GRM6: variants seen among roughly 807,000 people sequenced by gnomAD.
GRM6 encodes the protein metabotropic glutamate receptor 6.
GRM6 carries 73 observed loss-of-function variants against 78.4 expected under a neutral mutation model. The observed-to-expected ratio is 0.93, with a 90% CI of 0.77 to 1.13. GRM6 has a LOEUF of 1.13. GRM6 is among the 50% of genes most tolerant of loss of function. The pLI is 0.00. For missense variants in GRM6, 1,251 were observed against 1,256.4 expected, an observed-to-expected ratio of 1.00 and a Z score of 0.07; for synonymous variants, 580 against 555.0, an observed-to-expected ratio of 1.05 and a Z score of -0.63.
In GRM6 at chr5:178,983,236, A is replaced by G; in HGVS notation, c.2125-15T>C. 3 of 1,600,632 alleles carry G rather than the reference A, an allele frequency of 1.9e-6. No individual in the cohort carries two copies. Among genetic ancestry groups the G allele is most frequent in the Non-Finnish European group, 2.6e-6 (3 of 1,170,278 alleles). On this transcript the variant is annotated splice_polypyrimidine_tract_variant and intron_variant, in intron 9 of 10. Coordinates refer to ENST00000517717, the MANE Select transcript of GRM6 (RefSeq NM_000843.4). ...ATCCCCACCACCTGCAGGAGCCAAC[A>G]CTGCATCAGACACAGCACTTTCCAG...
Position 178,986,170 on chromosome 5 carries a change from G to A in GRM6, c.2084C>T (p.Thr695Ile). 4 of 1,613,966 alleles carry A rather than the reference G, an allele frequency of 2.5e-6. No homozygotes were observed. The highest frequency in any genetic ancestry group is 3.4e-6 in the Non-Finnish European group (4 of 1,179,854). ...GCTGAAGGTGATGACCAGCTGTGAG[G>A]TGGGGCTGATGAAGGGAGGGGGTGT... ...SVTPPPFISP[T>I]SQLVITFSLT... Residue 695 changes from threonine (T) to isoleucine (I), a missense_variant, in exon 9 of 11, where the codon ACC (threonine) becomes ATC (isoleucine). By Grantham distance (89) the Thr-to-Ile change is moderately conservative. Transcript: ENST00000517717.
chr5:178,985,520 G>A (rs557252275), intron 9 of GRM6: 402 of 337,260 alleles, frequency 1.2e-3, no homozygotes, highest in East Asian at 4.6e-3. Flanking sequence ...TGGCTAACAC[G>A]GTGAAGCCCT....
intron 9 of GRM6, chr5:178,985,182 G>T (rs1026311801): frequency 2.3e-6 from 1 of 437,828 alleles, no homozygotes; most frequent in Admixed American, 2.5e-5. Context: ...GTGGAAACAG[G>T]AAAACCGGTC....
Position 178,985,824 on chromosome 5 carries a change from C to T in GRM6, c.2124+306G>A, listed in dbSNP as rs115863581. 1.8e-3 allele frequency: 946 copies of T among 525,576 alleles called. 4 individuals are homozygous for T. The highest frequency in any genetic ancestry group is 2.9e-3 in the Admixed American group (103 of 35,164). The allele number at this position is 525,576 out of a possible 1,614,324, so 32.6% of individuals were successfully genotyped here. A position where few individuals can be genotyped will look rare whatever the true frequency, so the allele number is the denominator to read the frequency against. On this transcript the variant is annotated intron_variant, in intron 9 of 10. Coordinates refer to ENST00000517717, the MANE Select transcript of GRM6 (RefSeq NM_000843.4). ...ACACCCAAGCTGGATTGTAGTGGTG[C>T]GATCTTGGCTCACAGCAACCTTCAA...
chr5:178,994,315 C>T, intron 2 of GRM6, 126 bp downstream of exon 2: 1 of 801,494 alleles, frequency 1.2e-6, no homozygotes, highest in Non-Finnish European at 1.8e-6. Context: ...TTCTTTGACG[C>T]TGTGTGAATT....
intron 10 of GRM6, 197 bp downstream of exon 10, chr5:178,982,713 G>T: frequency 4.3e-6 from 2 of 466,476 alleles, no homozygotes; most frequent in Non-Finnish European, 7.6e-6. Flanking sequence ...AAGAAAAAAA[G>T]AAGAGTGGAA....
chr5:178,981,530 G>T lies in GRM6; in HGVS notation c.*127C>A. The T allele has an allele frequency of 1.4e-6, 1 of 711,284 alleles. No individual in the cohort carries two copies. The highest frequency in any genetic ancestry group is 2.4e-6 in the Non-Finnish European group (1 of 417,160). 44.1% of individuals were successfully genotyped at this position (711,284 alleles called of 1,614,324 possible). A position where few individuals can be genotyped will look rare whatever the true frequency, so the allele number is the denominator to read the frequency against. The stretch of plus-strand genomic sequence containing the variant: ...TTCTCAAGGCCAGCCCCACCGACGC[G>T]GAGCATGGTCTTGGCAAACTCCCTG... On this transcript the variant is annotated 3_prime_UTR_variant, in exon 11 of 11. Coordinates refer to ENST00000517717, the MANE Select transcript of GRM6 (RefSeq NM_000843.4). This position sits in a 1 kb window ranked among gnomAD's most constrained non-coding sequence, Gnocchi z 5.1.
At chr5:178,990,054 C>T in intron 5 of GRM6, 2 of 197,794 alleles carry the variant, frequency 1.0e-5, no homozygotes, top group Non-Finnish European at 2.1e-5. Flanking sequence ...CTAAGAGGCC[C>T]TAGCAGCCAG....
In GRM6 at chr5:178,988,199, A is replaced by G. The variant is rs1402011854; in HGVS notation, c.1354+736T>C. ...AGAGGATGAGTTCAGACACGGAGAG[A>G]GGTCTGAGTGACAGTATGAAATTGG... On this transcript the variant is annotated intron_variant, in intron 7 of 10. Transcript: ENST00000517717. This position sits in a 1 kb window ranked among gnomAD's most constrained non-coding sequence, Gnocchi z 6.0. Among the ~76,000 whole-genome samples the G allele has an allele frequency of 6.6e-6, 1 of 152,188 alleles. No individual in the cohort carries two copies. The highest frequency in any genetic ancestry group is 2.4e-5 in the African/African-American group (1 of 41,440).
intron 9 of GRM6, chr5:178,985,562 G>C (rs889150275): frequency 1.1e-4 from 36 of 338,958 alleles, no homozygotes; most frequent in Admixed American, 6.0e-4. Flanking sequence ...AATTAGCCGG[G>C]CGTGGTGGCG....
In GRM6 at chr5:178,988,999, G is replaced by T. The variant is rs1232786802; in HGVS notation, c.1290C>A (p.Cys430Ter). 2.5e-6 allele frequency: 4 copies of T among 1,613,794 alleles called. No homozygotes were observed. The highest frequency in any genetic ancestry group is 3.4e-6 in the Non-Finnish European group (4 of 1,179,846). The change falls in exon 7 of 11, where the codon TGC (cysteine) becomes TGA (stop). Residue 430 changes from cysteine (C) to a stop codon, truncating the protein, a stop_gained. Transcript: ENST00000517717. LOFTEE classifies it high-confidence loss of function. The surrounding 1 kb of genome is among the most constrained non-coding windows in gnomAD (Gnocchi z 6.0). ...GCCCATCAGTGGGTTCCATCGCCGG[G>T]CACAGGCCTGTGTGCCCAGGGCAGA... ...QALCPGHTGL[C>*]PAMEPTDGRM...
intron 5 of GRM6, chr5:178,989,612 C>T (rs899898637): frequency 3.8e-5 from 24 of 637,440 alleles, no homozygotes; most frequent in African/African-American, 5.4e-5. Context: ...GTGAGCTAGG[C>T]GTGGCCAGGT....
In GRM6 at chr5:178,986,245, G is replaced by C. The variant is rs1402379302; in HGVS notation, c.2009C>G (p.Thr670Ser). The C allele has an allele frequency of 1.2e-6, 2 of 1,614,214 alleles. No individual in the cohort carries two copies. The highest frequency in any genetic ancestry group is 1.7e-6 in the Non-Finnish European group (2 of 1,180,032). The change falls in exon 9 of 11, where the codon ACC becomes AGC. Residue 670 changes from threonine to serine, a missense_variant. Physicochemically the swap from Thr to Ser is moderately conservative, Grantham distance 58. Coordinates refer to ENST00000517717, the MANE Select transcript of GRM6 (RefSeq NM_000843.4). ...GTTLSYSALL[T>S]KTNRIYRIFE... The stretch of plus-strand genomic sequence containing the variant: ...GATGCGGTAGATACGGTTGGTCTTG[G>C]TGAGCAGGGCAGAGTAGCTGAGGGT...
At position 178,983,106 on chromosome 5, in the gene GRM6, G is replaced by C. The variant is rs759761288; in HGVS notation, c.2240C>G (p.Ser747Trp). 1 of 1,614,078 alleles carries C rather than the reference G, an allele frequency of 6.2e-7. No homozygotes were observed. Among genetic ancestry groups the C allele is most frequent in the Non-Finnish European group, 8.5e-7 (1 of 1,179,978 alleles). The change falls in exon 10 of 11, where the codon TCG becomes TGG. Residue 747 changes from serine (S) to tryptophan (W), a missense_variant. Ser to Trp is a radical substitution (Grantham distance 177). Transcript: ENST00000517717. ...QARGVLKCDM[S>W]DLSLIGCLGY... ...CAGGCAGCCGATGAGAGACAGATCC[G>C]ACATGTCGCACTTGAGCACCCCTCT...
At position 178,994,737 on chromosome 5, in the gene GRM6, C is replaced by T. The variant is rs1353889281; in HGVS notation, c.208G>A (p.Glu70Lys). Residue 70 changes from glutamate to lysine, a missense_variant, in exon 2 of 11, where the codon GAG becomes AAG. Glu to Lys is a moderately conservative substitution (Grantham distance 56). Transcript: ENST00000517717. ...LKKEQGVHRL[E>K]AMLYALDRVN... ...CGGTCCAGCGCGTACAGCATGGCCT[C>T]CAGCCGGTGCACGCCCTGCTCCTTC... is the stretch of plus-strand genomic sequence containing the variant. 1 of 1,457,890 alleles carries T rather than the reference C, an allele frequency of 6.9e-7. No homozygotes were observed. Among genetic ancestry groups the T allele is most frequent in the Non-Finnish European group, 9.0e-7 (1 of 1,106,022 alleles). 90.3% of individuals were successfully genotyped at this position (1,457,890 alleles called of 1,614,324 possible).
intron 9 of GRM6, chr5:178,983,446 A>G (rs994725086): frequency 4.3e-6 from 3 of 695,810 alleles, no homozygotes; most frequent in Non-Finnish European, 7.9e-6. Context: ...GTGACCTGGC[A>G]GCTGCGGAGA....
chr5:178,984,899 T>A, intron 9 of GRM6, among the ~76,000 whole-genome samples: 1 of 152,082 alleles, frequency 6.6e-6, no homozygotes, highest in Middle Eastern at 3.2e-3. Context: ...CAGCTGGCCC[T>A]GCAGTGTCAC....
rs866414842 is a variant in GRM6, at chr5:178,992,220, G to C, written c.505-137C>G. 2 of 718,008 alleles carry C rather than the reference G, an allele frequency of 2.8e-6. No homozygotes were observed. Among genetic ancestry groups the C allele is most frequent in the East Asian group, 2.7e-5 (1 of 37,276 alleles). The allele number at this position is 718,008 out of a possible 1,614,324, so 44.5% of individuals were successfully genotyped here. Reference sequence around the variant, plus strand: ...CTGGGACACAGATGGGAGATGGAAGGGTTGGGGTGGGGACCTGGGGCCAGC... The same window carrying C: ...CTGGGACACAGATGGGAGATGGAAGCGTTGGGGTGGGGACCTGGGGCCAGC... On this transcript the variant is annotated intron_variant, in intron 2 of 10. Transcript: ENST00000517717. The surrounding 1 kb of genome is among the most constrained non-coding windows in gnomAD (Gnocchi z 4.9).
chr5:178,991,557 C>G lies in GRM6; in HGVS notation c.724G>C (p.Gly242Arg). The G allele has an allele frequency of 6.2e-7, 1 of 1,613,788 alleles. No homozygotes were observed. Among genetic ancestry groups the G allele is most frequent in the African/African-American group, 1.3e-5 (1 of 74,968 alleles). Reference sequence around the variant, plus strand: ...TTGATAGACTGGGCAATACAGACCCCCCCTGGGCGTTGGGGGTGCCAGAGT... The same window carrying G: ...TTGATAGACTGGGCAATACAGACCCGCCCTGGGCGTTGGGGGTGCCAGAGT... Reference protein sequence around the residue: ...AFVQISREAGGVCIAQSIKIP... With the variant: ...AFVQISREAGRVCIAQSIKIP... Residue 242 changes from glycine to arginine, a missense_variant and splice_region_variant, in exon 4 of 11, where the codon GGG (glycine) becomes CGG (arginine). Transcript: ENST00000517717. The surrounding 1 kb of genome is among the most constrained non-coding windows in gnomAD (Gnocchi z 5.0).
Sources: gnomAD v4.1 joint callset for allele counts (sites outside exome capture counted in the v4.1 genomes callset) on GRCh38, gnomAD v4.1.1 for gene constraint, Gnocchi (gnomAD v3.1) non-coding constraint, MANE v1.5 for transcripts, NCBI Gene and HGNC (gene_info 2026-07-23, HGNC 2026-07-21) for gene names.